The following MAFK variants were observed in gnomAD, a reference collection of about 807,000 sequenced individuals.
The protein encoded by MAFK is MAF bZIP transcription factor K.
MAFK carries 1 observed loss-of-function variant against 9.2 expected under a neutral mutation model. That is an observed-to-expected ratio of 0.11 (90% CI 0.04 to 0.52). The LOEUF is 0.52. MAFK is among the 20% of genes least tolerant of loss of function. The pLI, the probability that MAFK is intolerant of heterozygous loss-of-function variation, is 0.94. For synonymous variants in MAFK, 110 were observed against 107.4 expected, an observed-to-expected ratio of 1.02 and a Z score of -0.15; for missense variants, 207 against 236.0, an observed-to-expected ratio of 0.88 and a Z score of 0.81.
In MAFK at chr7:1,532,567, G is replaced by A. The variant is rs946712581; in HGVS notation, c.-45+1669G>A. On this transcript the variant is annotated intron_variant, in intron 1 of 2. Coordinates refer to ENST00000343242, the MANE Select transcript of MAFK (RefSeq NM_002360.4). The surrounding 1 kb of genome is among the most constrained non-coding windows in gnomAD (Gnocchi z 4.5). ...TGCCCGCAGCGTCGACTCCCCAGGT[G>A]CTGGTAAACCCGGGAGCCAGCGTTT... Among the ~76,000 whole-genome samples the A allele has an allele frequency of 2.0e-5, 3 of 152,340 alleles. No individual in the cohort carries two copies. In the South Asian group the frequency reaches 6.2e-4, roughly 32 times the overall value.
rs1033025276 is a variant in MAFK, at chr7:1,538,455, G to A, written c.-44-694G>A. On this transcript the variant is annotated intron_variant, in intron 1 of 2. Coordinates refer to ENST00000343242, the MANE Select transcript of MAFK (RefSeq NM_002360.4). ...TGTCACAGCCGCAGCGGCCAGGGCC[G>A]TGGTAGGTGTCCCGTGGCCTGTGGG... 15 of 977,238 alleles carry A rather than the reference G, an allele frequency of 1.5e-5. No individual in the cohort carries two copies. The Admixed American group carries it at 1.8e-4, about 12-fold the overall frequency. 60.5% of individuals were successfully genotyped at this position (977,238 alleles called of 1,614,324 possible).
rs906339638 is a variant in MAFK at position 1,541,946 on chromosome 7, T to A, written c.*1571T>A. ...TGGTGCCTGGGGCCCTGGCTCCTTC[T>A]CGGCTGCCCCTGCCCACCCAGTAAC... On this transcript the variant is annotated 3_prime_UTR_variant, in exon 3 of 3. Transcript: ENST00000343242. 1 of 152,268 alleles carries A rather than the reference T, an allele frequency of 6.6e-6. No homozygotes were observed. Among genetic ancestry groups the A allele is most frequent in the African/African-American group, 2.4e-5 (1 of 41,430 alleles). The allele number at this position is 152,268 out of a possible 1,614,324, so 9.4% of individuals were successfully genotyped here.
At chr7:1,538,986 C>A (rs1056424187) in intron 1 of MAFK, among the ~76,000 whole-genome samples, 163 bp from the exon 2 acceptor site, 11 of 152,188 alleles carry the variant, frequency 7.2e-5, no homozygotes, top group Admixed American at 7.2e-4. Flanking sequence ...CCCTGGGAAG[C>A]CCCTCAGGAC....
Position 1,534,442 on chromosome 7 carries a change from G to A in MAFK, c.-45+3544G>A. 2.3e-6 allele frequency: 1 copy of A among 435,030 alleles called. No individual in the cohort carries two copies. Among genetic ancestry groups the A allele is most frequent in the Non-Finnish European group, 4.7e-6 (1 of 212,288 alleles). 26.9% of individuals were successfully genotyped at this position (435,030 alleles called of 1,614,324 possible). Reference sequence around the variant, plus strand: ...GCGGGTACACCTTGGGTGGCCTCTGGTTTTGTGGATTGCACCTGCCGTGGG... The same window carrying A: ...GCGGGTACACCTTGGGTGGCCTCTGATTTTGTGGATTGCACCTGCCGTGGG... On this transcript the variant is annotated intron_variant, in intron 1 of 2. Coordinates refer to ENST00000343242, the MANE Select transcript of MAFK (RefSeq NM_002360.4). This position sits in a 1 kb window ranked among gnomAD's most constrained non-coding sequence, Gnocchi z 4.3.
intron 1 of MAFK, among the ~76,000 whole-genome samples, chr7:1,535,663 A>G (rs1245268451): frequency 6.6e-6 from 1 of 152,198 alleles, no homozygotes; most frequent in Admixed American, 6.5e-5. Context: ...AATGAAAATT[A>G]AAAGGGAAAA....
chr7:1,540,660 C>G lies in MAFK; in HGVS notation c.*285C>G. The G allele has an allele frequency of 2.3e-6, 1 of 440,840 alleles. No homozygotes were observed. The highest frequency in any genetic ancestry group is 4.0e-6 in the Non-Finnish European group (1 of 247,290). 27.3% of individuals were successfully genotyped at this position (440,840 alleles called of 1,614,324 possible). A position where few individuals can be genotyped will look rare whatever the true frequency, so the allele number is the denominator to read the frequency against. On this transcript the variant is annotated 3_prime_UTR_variant, in exon 3 of 3. Coordinates refer to ENST00000343242, the MANE Select transcript of MAFK (RefSeq NM_002360.4). ...ATTGGTATCTTGCACCCGTGGGAGT[C>G]GGGACATATAATGGAAAGGCCCTCG...
At position 1,532,957 on chromosome 7, in the gene MAFK, C is replaced by T. The variant is rs940459501; in HGVS notation, c.-45+2059C>T. 1.3e-5 allele frequency among the ~76,000 whole-genome samples: 2 copies of T among 152,192 alleles called. No individual in the cohort carries two copies. Among genetic ancestry groups the T allele is most frequent in the African/African-American group, 2.4e-5 (1 of 41,444 alleles). ...CTCCGTCCCCACCCTCCCTGCTCTCCGCGAATGGAAGATGCCTTTCCCCGC... is the reference window on the plus strand; with the variant it reads ...CTCCGTCCCCACCCTCCCTGCTCTCTGCGAATGGAAGATGCCTTTCCCCGC... On this transcript the variant is annotated intron_variant, in intron 1 of 2. Coordinates refer to ENST00000343242, the MANE Select transcript of MAFK (RefSeq NM_002360.4). This position sits in a 1 kb window ranked among gnomAD's most constrained non-coding sequence, Gnocchi z 4.5.
At chr7:1,539,522 GGCGTGGGCA>G (rs1444284822) in intron 2 of MAFK, among the ~76,000 whole-genome samples, 2 of 65,444 alleles carry the variant, frequency 3.1e-5, no homozygotes, top group Non-Finnish European at 5.3e-5. Context: ...CCTGGCTCCA[GGCGTGGGCA>G]GCGTGGCCAG....
rs59057812 is a variant in MAFK, at chr7:1,535,085, CTTTTTTT to C, written c.-44-4053_-44-4047del. On this transcript the variant is annotated intron_variant, in intron 1 of 2. Transcript: ENST00000343242. Reference sequence around the variant, plus strand: ...CCATCACAACTGGCTATTTAAAATTCTTTTTTTTTTTTTTTTTGTAGAGATGGGGCCT... The same window carrying C: ...CCATCACAACTGGCTATTTAAAATTCTTTTTTTTTTGTAGAGATGGGGCCT... Among the ~76,000 whole-genome samples, 6 of 111,954 alleles carry C rather than the reference CTTTTTTT, an allele frequency of 5.4e-5. No homozygotes were observed. The East Asian group carries it at 1.7e-3, about 31-fold the overall frequency. The allele number at this position is 111,954 out of a possible 152,430, so 73.4% of individuals were successfully genotyped here. A position where few individuals can be genotyped will look rare whatever the true frequency, so the allele number is the denominator to read the frequency against.
In MAFK at chr7:1,532,153, T is replaced by A. The variant is rs1783920867; in HGVS notation, c.-45+1255T>A. On this transcript the variant is annotated intron_variant, in intron 1 of 2. Coordinates refer to ENST00000343242, the MANE Select transcript of MAFK (RefSeq NM_002360.4). The surrounding 1 kb of genome is among the most constrained non-coding windows in gnomAD (Gnocchi z 4.5). Reference sequence around the variant, plus strand: ...TCCAGGGTGGGCTGCCAGGTCTCTTTACTGGCACTGAGGTTTCACCGTCAC... The same window carrying A: ...TCCAGGGTGGGCTGCCAGGTCTCTTAACTGGCACTGAGGTTTCACCGTCAC... Among the ~76,000 whole-genome samples, 2 of 152,234 alleles carry A rather than the reference T, an allele frequency of 1.3e-5. No homozygotes were observed.
At chr7:1,533,781 A>T (rs1562543284) in intron 1 of MAFK, among the ~76,000 whole-genome samples, 4 of 148,020 alleles carry the variant, frequency 2.7e-5, no homozygotes, top group Admixed American at 1.4e-4. Flanking sequence ...CCGGTGAATG[A>T]TGCGGTTGGG....
At position 1,542,712 on chromosome 7, in the gene MAFK, G is replaced by T. The variant is rs557539077; in HGVS notation, c.*2337G>T. 6.6e-6 allele frequency: 1 copy of T among 152,544 alleles called. No homozygotes were observed. Among genetic ancestry groups the T allele is most frequent in the Non-Finnish European group, 1.5e-5 (1 of 68,040 alleles). The allele number at this position is 152,544 out of a possible 1,614,324, so 9.4% of individuals were successfully genotyped here. On this transcript the variant is annotated 3_prime_UTR_variant, in exon 3 of 3. Transcript: ENST00000343242. ...AAAAAGACGAGGGACTCTTTGTCAC[G>T]TGGGTTTGTTTTCTGTCTCCGTGCC...
At chr7:1,539,843 C>A in intron 2 of MAFK, 98 bp from the exon 3 acceptor site, 1 of 1,057,096 alleles carries the variant, frequency 9.5e-7, no homozygotes, top group Non-Finnish European at 1.3e-6. Context: ...AGAGCGCAGG[C>A]GTGCAGGGGC....
chr7:1,537,722 G>A, intron 1 of MAFK: 3 of 985,488 alleles, frequency 3.0e-6, no homozygotes, highest in Non-Finnish European at 3.6e-6. Flanking sequence ...TTGTTGTGGG[G>A]GTTTGTGGGT....
In MAFK at chr7:1,534,222, G is replaced by A. The variant is rs73285463; in HGVS notation, c.-45+3324G>A. ...GGACAGCCGGACAGTGGGGGCCCTC[G>A]CAGTGTAGGACCTCATCCTCAGTAG... On this transcript the variant is annotated intron_variant, in intron 1 of 2. Transcript: ENST00000343242. The surrounding 1 kb of genome is among the most constrained non-coding windows in gnomAD (Gnocchi z 4.3). 9,794 of 455,086 alleles carry A rather than the reference G, an allele frequency of 0.022. 570 individuals carry two copies. The highest frequency in any genetic ancestry group is 0.14 in the African/African-American group (7,054 of 50,086). The allele number at this position is 455,086 out of a possible 1,614,324, so 28.2% of individuals were successfully genotyped here.
intron 1 of MAFK, among the ~76,000 whole-genome samples, chr7:1,533,282 C>T (rs1783944989): frequency 6.6e-6 from 1 of 152,208 alleles, no homozygotes; most frequent in South Asian, 2.1e-4. Context: ...TCCCTGCCCT[C>T]CCATGCGGGG....
In MAFK at chr7:1,533,545, G is replaced by A. The variant is rs533161991; in HGVS notation, c.-45+2647G>A. ...GAAACGGCATTGGGGTGGGGGAGTCGGGGTTTGGGAGGAACCCCCAAGACT... is the reference window on the plus strand; with the variant it reads ...GAAACGGCATTGGGGTGGGGGAGTCAGGGTTTGGGAGGAACCCCCAAGACT... On this transcript the variant is annotated intron_variant, in intron 1 of 2. Coordinates refer to ENST00000343242, the MANE Select transcript of MAFK (RefSeq NM_002360.4). 6.4e-4 allele frequency among the ~76,000 whole-genome samples: 97 copies of A among 152,298 alleles called. 1 individual carries two copies. The highest frequency in any genetic ancestry group is 2.2e-3 in the African/African-American group (93 of 41,572).
In MAFK at chr7:1,540,513, AC is replaced by A; in HGVS notation, c.*140del. ...GGCCCCTCGGGCGCAGGCAGCTCAC[AC>A]CAGGAAGAGACTGTATTGCAGGGTG... On this transcript the variant is annotated 3_prime_UTR_variant, in exon 3 of 3. Transcript: ENST00000343242. The A allele has an allele frequency of 1.1e-6, 1 of 870,696 alleles. No homozygotes were observed. The highest frequency in any genetic ancestry group is 1.7e-6 in the Non-Finnish European group (1 of 584,886). The allele number at this position is 870,696 out of a possible 1,614,324, so 53.9% of individuals were successfully genotyped here.
intron 1 of MAFK, among the ~76,000 whole-genome samples, chr7:1,531,636 T>C (rs1374548572): frequency 6.6e-6 from 1 of 152,042 alleles, no homozygotes; most frequent in Non-Finnish European, 1.5e-5. Context: ...CTGCGTGAGT[T>C]CTTCTGTGCC....
Sources: gnomAD v4.1 joint callset for allele counts (sites outside exome capture counted in the v4.1 genomes callset) on GRCh38, gnomAD v4.1.1 for gene constraint, Gnocchi (gnomAD v3.1) non-coding constraint, MANE v1.5 for transcripts, NCBI Gene and HGNC (gene_info 2026-07-23, HGNC 2026-07-21) for gene names.